DPYSL5: variants seen among roughly 807,000 people sequenced by gnomAD.
The protein encoded by DPYSL5 is dihydropyrimidinase-related protein 5.
In DPYSL5, 9 loss-of-function variants were observed where a neutral mutation model predicts 58.4. That is an observed-to-expected ratio of 0.15 (90% CI 0.09 to 0.27). The LOEUF is 0.27. Ranked by LOEUF, DPYSL5 falls within the 10% of genes least tolerant of loss-of-function variation. DPYSL5 has a pLI of 1.00. For synonymous variants in DPYSL5, 293 were observed against 301.9 expected (o/e 0.97, Z 0.31); for missense variants, 499 against 770.6 (o/e 0.65, Z 4.17).
intron 1 of DPYSL5, among the ~76,000 whole-genome samples, chr2:26,888,421 G>A (rs967563001): frequency 3.3e-5 from 5 of 151,760 alleles, no homozygotes; most frequent in African/African-American, 7.3e-5. Context: ...CAGGTGCGTG[G>A]CACCATGCCC....
chr2:26,889,254 C>T (rs916854111), intron 1 of DPYSL5, among the ~76,000 whole-genome samples: 1 of 151,978 alleles, frequency 6.6e-6, no homozygotes, highest in Non-Finnish European at 1.5e-5. Flanking sequence ...CTAATGCTGG[C>T]CTTCTGGAGA....
chr2:26,936,999 A>G (rs1200233543), intron 8 of DPYSL5, among the ~76,000 whole-genome samples: 2 of 148,538 alleles, frequency 1.3e-5, no homozygotes, highest in Admixed American at 6.8e-5. Context: ...TTTCATCATC[A>G]GCAATACAAT....
chr2:26,866,564 C>T (rs1410227209), intron 1 of DPYSL5, among the ~76,000 whole-genome samples: 1 of 151,784 alleles, frequency 6.6e-6, no homozygotes, highest in African/African-American at 2.4e-5. Flanking sequence ...TTGTAATGTT[C>T]CCAATACAAA....
At chr2:26,908,634 T>C (rs1181974033) in intron 2 of DPYSL5, among the ~76,000 whole-genome samples, 2 of 152,242 alleles carry the variant, frequency 1.3e-5, no homozygotes, top group Non-Finnish European at 2.9e-5. Context: ...GAATAGTGTT[T>C]GCAAAGAATT....
chr2:26,905,131 T>C lies in DPYSL5; in HGVS notation c.261+6371T>C, dbSNP rs1371558375. ...AATTTTGCTGGACCAGATGAGGGTG[T>C]CTCAGAATGGATTTGCATCAGGCAG... On this transcript the variant is annotated intron_variant, in intron 2 of 12. Coordinates refer to ENST00000288699, the MANE Select transcript of DPYSL5 (RefSeq NM_020134.4). This position sits in a 1 kb window ranked among gnomAD's most constrained non-coding sequence, Gnocchi z 4.0. Among the ~76,000 whole-genome samples the C allele has an allele frequency of 6.6e-6, 1 of 152,148 alleles. No homozygotes were observed. The highest frequency in any genetic ancestry group is 2.4e-5 in the African/African-American group (1 of 41,428).
In DPYSL5 at chr2:26,892,831, T is replaced by C. The variant is rs546576709; in HGVS notation, c.-4-5665T>C. Among the ~76,000 whole-genome samples, 322 of 149,398 alleles carry C rather than the reference T, an allele frequency of 2.2e-3. 1 individual carries two copies. The highest frequency in any genetic ancestry group is 7.3e-3 in the African/African-American group (295 of 40,654). On this transcript the variant is annotated intron_variant, in intron 1 of 12. Transcript: ENST00000288699. ...ACTTCTGGGCTTCCTGTGGCCAGAG[T>C]GGCTCTATCCACCACCTAAGAACCA...
At chr2:26,851,369 C>G (rs1665749219) in intron 1 of DPYSL5, among the ~76,000 whole-genome samples, 2 of 152,262 alleles carry the variant, frequency 1.3e-5, no homozygotes, top group Admixed American at 6.5e-5. Flanking sequence ...AGCGTAACCT[C>G]TCTAGGTGCA....
At chr2:26,912,931 C>T (rs561121039) in intron 2 of DPYSL5, among the ~76,000 whole-genome samples, 2 of 152,318 alleles carry the variant, frequency 1.3e-5, no homozygotes, top group East Asian at 3.9e-4. Context: ...GGAGCCCCTC[C>T]GTCAGGCCAG....
chr2:26,905,913 A>G lies in DPYSL5; in HGVS notation c.261+7153A>G, dbSNP rs1237315894. 2.0e-5 allele frequency among the ~76,000 whole-genome samples: 3 copies of G among 152,190 alleles called. No homozygotes were observed. Among genetic ancestry groups the G allele is most frequent in the Non-Finnish European group, 2.9e-5 (2 of 68,036 alleles). On this transcript the variant is annotated intron_variant, in intron 2 of 12. Coordinates refer to ENST00000288699, the MANE Select transcript of DPYSL5 (RefSeq NM_020134.4). The surrounding 1 kb of genome is among the most constrained non-coding windows in gnomAD (Gnocchi z 4.0). ...CTCAGAGCCTCGCAAGCCGCCATCC[A>G]GGTGTCAATGGGCTGCATTCTCATC...
At chr2:26,857,202 G>A (rs183485656) in intron 1 of DPYSL5, among the ~76,000 whole-genome samples, 156 of 152,024 alleles carry the variant, frequency 1.0e-3, no homozygotes, top group African/African-American at 3.5e-3. Context: ...TTCTTGTATT[G>A]GGTCAAATAG....
At chr2:26,899,249 G>A (rs1487261963) in intron 2 of DPYSL5, among the ~76,000 whole-genome samples, 1 of 152,154 alleles carries the variant, frequency 6.6e-6, no homozygotes, top group Non-Finnish European at 1.5e-5. Context: ...GAAAATTGCT[G>A]GTGGTGGGCT....
intron 1 of DPYSL5, among the ~76,000 whole-genome samples, chr2:26,891,614 G>A (rs557221518): frequency 5.3e-5 from 8 of 152,246 alleles, no homozygotes; most frequent in Admixed American, 5.2e-4. Flanking sequence ...TGAGCCAGCT[G>A]GGTCTGAATG....
Position 26,932,196 on chromosome 2 carries a change from AAAGAAAG to A in DPYSL5, c.714+515_714+521del, listed in dbSNP as rs1281357298. The stretch of plus-strand genomic sequence containing the variant: ...GAAAGAAAGAAAGAAAGAAAGAAAG[AAAGAAAG>A]AAAGAAAAGAAAGAAAGAAAGAAAG... On this transcript the variant is annotated intron_variant, in intron 6 of 12. Coordinates refer to ENST00000288699, the MANE Select transcript of DPYSL5 (RefSeq NM_020134.4). 1.4e-3 allele frequency among the ~76,000 whole-genome samples: 117 copies of A among 85,966 alleles called. 3 individuals carry two copies. Among genetic ancestry groups the A allele is most frequent in the Non-Finnish European group, 2.2e-3 (90 of 40,122 alleles). 56.4% of individuals were successfully genotyped at this position (85,966 alleles called of 152,430 possible).
intron 9 of DPYSL5, 95 bp downstream of exon 9, chr2:26,940,267 C>A (rs925322358): frequency 4.1e-6 from 6 of 1,447,886 alleles, no homozygotes; most frequent in Non-Finnish European, 5.6e-6. Flanking sequence ...CTCCTCAGAT[C>A]CTGTCAAAGA....
intron 12 of DPYSL5, among the ~76,000 whole-genome samples, chr2:26,946,651 G>A (rs1012511074): frequency 1.3e-5 from 2 of 152,200 alleles, no homozygotes; most frequent in Admixed American, 6.5e-5. Context: ...CAGTGAAGTT[G>A]GCACAGTGGG....
At chr2:26,932,179 G>GA (rs1384996849) in intron 6 of DPYSL5, among the ~76,000 whole-genome samples, 4 of 73,308 alleles carry the variant, frequency 5.5e-5, no homozygotes, top group African/African-American at 1.4e-4. Context: ...AAGAAAGAAA[G>GA]AAAGAAAGAA....
chr2:26,902,879 G>A (rs1221041102), intron 2 of DPYSL5, among the ~76,000 whole-genome samples: 1 of 152,102 alleles, frequency 6.6e-6, no homozygotes, highest in Non-Finnish European at 1.5e-5. Context: ...ACTCCCAGCA[G>A]TGCCATGACA....
chr2:26,926,388 C>T (rs1317202417), intron 3 of DPYSL5, among the ~76,000 whole-genome samples: 2 of 152,204 alleles, frequency 1.3e-5, no homozygotes, highest in Non-Finnish European at 2.9e-5. Context: ...AATAGAGGGT[C>T]TTCTCAGGTT....
At chr2:26,875,645 A>G (rs1663391753) in intron 1 of DPYSL5, among the ~76,000 whole-genome samples, 1 of 152,094 alleles carries the variant, frequency 6.6e-6, no homozygotes, top group Non-Finnish European at 1.5e-5. Context: ...GAGGCTCAGT[A>G]TGTTGGACTC....
Sources: allele counts gnomAD v4.1 joint callset (sites outside exome capture counted in the v4.1 genomes callset), GRCh38; gene constraint gnomAD v4.1.1; non-coding constraint Gnocchi (gnomAD v3.1); transcripts MANE v1.5; gene names NCBI Gene and HGNC (gene_info 2026-07-23, HGNC 2026-07-21).